The following RBFOX1 variants were observed in gnomAD, a reference collection of about 807,000 sequenced individuals.
RBFOX1 encodes the protein RNA binding protein fox-1 homolog 1.
In RBFOX1, 8 loss-of-function variants were observed where a neutral mutation model predicts 57.7. The ratio of observed to expected loss-of-function variants is 0.14; its 90% confidence interval spans 0.08 to 0.25. The LOEUF is 0.25. Among genes scored for constraint, RBFOX1 ranks in the 10% least tolerant of loss-of-function variants. The pLI is 1.00. For synonymous variants in RBFOX1, 326 were observed against 222.4 expected (o/e 1.47, Z -4.15); for missense variants, 611 against 548.5 (o/e 1.11, Z -1.14).
chr16:6,602,913 C>A (rs2097872460), intron 2 of RBFOX1, among the ~76,000 whole-genome samples: 1 of 152,146 alleles, frequency 6.6e-6, no homozygotes, highest in Non-Finnish European at 1.5e-5. Flanking sequence ...CAAATCCTGT[C>A]ACTAATAAAA....
intron 2 of RBFOX1, among the ~76,000 whole-genome samples, chr16:5,476,787 T>A (rs2069340309): frequency 2.0e-5 from 3 of 152,148 alleles, no homozygotes; most frequent in South Asian, 4.1e-4. Flanking sequence ...ACTTCGAAGT[T>A]TCTTCTATTT....
chr16:6,565,365 C>G (rs1295142451), intron 2 of RBFOX1, among the ~76,000 whole-genome samples: 1 of 152,010 alleles, frequency 6.6e-6, no homozygotes, highest in Non-Finnish European at 1.5e-5. Flanking sequence ...CAAGCTGATT[C>G]TCCTGCCTCA....
At chr16:6,165,437 G>C (rs539758072) in intron 1 of RBFOX1, among the ~76,000 whole-genome samples, 18 of 152,140 alleles carry the variant, frequency 1.2e-4, no homozygotes, top group Non-Finnish European at 2.5e-4. Context: ...AAACCAAAAA[G>C]AAAGCAGCAC....
At chr16:6,516,153 C>T (rs369561390) in intron 2 of RBFOX1, among the ~76,000 whole-genome samples, 3 of 152,222 alleles carry the variant, frequency 2.0e-5, no homozygotes, top group Non-Finnish European at 2.9e-5. Flanking sequence ...TTCAGCCTCC[C>T]GAGTAGCTGG....
chr16:5,909,916 G>C (rs1190596599), intron 4 of RBFOX1, among the ~76,000 whole-genome samples: 1 of 152,074 alleles, frequency 6.6e-6, no homozygotes, highest in Non-Finnish European at 1.5e-5. Context: ...AGCCGGGTGT[G>C]GTGGCAGGCA....
At chr16:6,680,786 T>TTTTTAAA (rs1432427119) in intron 3 of RBFOX1, among the ~76,000 whole-genome samples, 2 of 152,218 alleles carry the variant, frequency 1.3e-5, no homozygotes, top group Non-Finnish European at 2.9e-5. Context: ...GGCACCTAAC[T>TTTTTAAA]TTGCAAACCA....
chr16:6,912,832 C>G (rs768606019), intron 3 of RBFOX1, among the ~76,000 whole-genome samples: 2 of 151,962 alleles, frequency 1.3e-5, no homozygotes, highest in Non-Finnish European at 2.9e-5. Flanking sequence ...GTTGCCCAGG[C>G]TAGACTCAAA....
intron 2 of RBFOX1, among the ~76,000 whole-genome samples, chr16:5,584,279 T>G (rs1374251657): frequency 2.6e-5 from 4 of 152,228 alleles, no homozygotes; most frequent in African/African-American, 9.6e-5. Context: ...CCGTGTCTCT[T>G]TCAGCAGCTC....
chr16:6,206,803 G>C (rs980368002), intron 1 of RBFOX1, among the ~76,000 whole-genome samples: 1 of 152,122 alleles, frequency 6.6e-6, no homozygotes, highest in Non-Finnish European at 1.5e-5. Flanking sequence ...AATGGTGGGT[G>C]ATTTCAACAG....
chr16:7,636,793 A>G (rs1476367386), intron 11 of RBFOX1, among the ~76,000 whole-genome samples: 1 of 152,130 alleles, frequency 6.6e-6, no homozygotes, highest in East Asian at 1.9e-4. Flanking sequence ...TGGCTTACAG[A>G]TGGCCACCTT....
At chr16:6,556,986 T>C (rs1207846998) in intron 2 of RBFOX1, among the ~76,000 whole-genome samples, 1 of 132,168 alleles carries the variant, frequency 7.6e-6, no homozygotes, top group Non-Finnish European at 1.6e-5. Context: ...CACATACGTA[T>C]ATATACATAC....
At chr16:5,627,419 G>T (rs932433443) in intron 3 of RBFOX1, among the ~76,000 whole-genome samples, 1 of 149,006 alleles carries the variant, frequency 6.7e-6, no homozygotes, top group Non-Finnish European at 1.5e-5. Context: ...TGATCTTGGG[G>T]TGTGTGTGTG....
chr16:6,206,016 G>C (rs2152838747), intron 1 of RBFOX1, among the ~76,000 whole-genome samples: 1 of 152,018 alleles, frequency 6.6e-6, no homozygotes, highest in African/African-American at 2.4e-5. Context: ...GCAGAACATA[G>C]AGATAGCCAG....
Position 5,240,007 on chromosome 16 carries a change from G to C in RBFOX1, c.121G>C (p.Gly41Arg), listed in dbSNP as rs571059188. Reference sequence around the variant, plus strand: ...GAAGAGGCTGCGGCTGGGGCTGGAGGGGGGAAGCGCACAGCCCGAGGACTG... The same window carrying C: ...GAAGAGGCTGCGGCTGGGGCTGGAGCGGGGAAGCGCACAGCCCGAGGACTG... The change falls in exon 1 of 3, where the codon GGG becomes CGG. Residue 41 changes from glycine to arginine, a missense_variant. By Grantham distance (125) the Gly-to-Arg change is moderately radical. Coordinates refer to the RBFOX1 transcript ENST00000585867. The C allele has an allele frequency of 9.8e-4, 1,496 of 1,531,322 alleles. 17 individuals are homozygous for C. The highest frequency in any genetic ancestry group is 5.8e-4 in the African/African-American group (42 of 72,462). 94.9% of individuals were successfully genotyped at this position (1,531,322 alleles called of 1,614,324 possible).
chr16:5,743,998 A>G (rs1479795026), intron 3 of RBFOX1, among the ~76,000 whole-genome samples: 1 of 152,184 alleles, frequency 6.6e-6, no homozygotes, highest in Non-Finnish European at 1.5e-5. Context: ...CAAAGGACCT[A>G]TCTTACGGAA....
intron 2 of RBFOX1, among the ~76,000 whole-genome samples, chr16:5,587,526 A>AAT: frequency 6.6e-6 from 1 of 152,304 alleles, no homozygotes; most frequent in South Asian, 2.1e-4. Flanking sequence ...AAGCCTGGCC[A>AAT]ACATGGTGAA....
rs148317023 is a variant in RBFOX1, at chr16:6,244,787, C to T, written c.-126-72208C>T. On this transcript the variant is annotated intron_variant, in intron 1 of 15. Coordinates refer to ENST00000550418, the MANE Select transcript of RBFOX1 (RefSeq NM_018723.4). ...CCTCCCAAAGTGCTGGGATTACAGG[C>T]GTGAGCCAACACACCCGGCAAACTT... Among the ~76,000 whole-genome samples, 11 of 152,288 alleles carry T rather than the reference C, an allele frequency of 7.2e-5. 1 individual carries two copies. Among genetic ancestry groups the T allele is most frequent in the Admixed American group, 3.3e-4 (5 of 15,294 alleles).
At chr16:7,375,959 T>C (rs1007349869) in intron 4 of RBFOX1, among the ~76,000 whole-genome samples, 3 of 152,188 alleles carry the variant, frequency 2.0e-5, no homozygotes, top group African/African-American at 7.2e-5. Flanking sequence ...ATTCAAGAAC[T>C]AGAGCCATTG....
intron 2 of RBFOX1, among the ~76,000 whole-genome samples, chr16:6,493,526 C>T (rs2095684527): frequency 6.6e-6 from 1 of 152,100 alleles, no homozygotes; most frequent in African/African-American, 2.4e-5. Flanking sequence ...ATTTCATCTT[C>T]CTGTGCAAGC....
Sources: allele counts gnomAD v4.1 joint callset (sites outside exome capture counted in the v4.1 genomes callset), GRCh38; gene constraint gnomAD v4.1.1; transcripts MANE v1.5; gene names NCBI Gene and HGNC (gene_info 2026-07-23, HGNC 2026-07-21).